The following HIRA variants were observed in gnomAD, a reference collection of about 807,000 sequenced individuals.
HIRA encodes the protein protein HIRA.
A neutral mutation model predicts 126.6 loss-of-function variants in HIRA; 13 were observed. The ratio of observed to expected loss-of-function variants is 0.10; its 90% CI spans 0.07 to 0.16. The LOEUF (loss-of-function observed/expected upper bound fraction) is 0.16, where lower values mean the gene tolerates loss of function less well. HIRA is among the 10% of genes least tolerant of loss of function. The pLI, the probability that HIRA is intolerant of heterozygous loss-of-function variation, is 1.00. For synonymous variants in HIRA, 511 were observed against 520.0 expected (o/e 0.98, Z 0.24); for missense variants, 834 against 1,314.4 (o/e 0.63, Z 5.65).
chr22:19,390,116 C>G (rs929658711), intron 9 of HIRA, among the ~76,000 whole-genome samples: 6 of 152,132 alleles, frequency 3.9e-5, no homozygotes, highest in African/African-American at 1.4e-4. Context: ...TCTTACCACA[C>G]AGTCAGGTCA....
intron 8 of HIRA, among the ~76,000 whole-genome samples, chr22:19,392,510 T>C (rs1395593090): frequency 2.6e-5 from 4 of 152,236 alleles, no homozygotes; most frequent in African/African-American, 4.8e-5. Flanking sequence ...AAGGGATGCG[T>C]AGCTACTGAA....
intron 1 of HIRA, among the ~76,000 whole-genome samples, chr22:19,428,524 C>T (rs1199769751): frequency 1.3e-5 from 2 of 152,134 alleles, no homozygotes; most frequent in African/African-American, 4.8e-5. Flanking sequence ...CCAAAGTACA[C>T]CCACATTTCA....
chr22:19,345,487 G>C (rs915133704), intron 24 of HIRA, among the ~76,000 whole-genome samples: 2 of 152,178 alleles, frequency 1.3e-5, no homozygotes, highest in African/African-American at 2.4e-5. Flanking sequence ...CACTGCCACA[G>C]GTCTTACAGC....
chr22:19,379,014 C>T (rs1569300824), intron 13 of HIRA, among the ~76,000 whole-genome samples: 2 of 150,906 alleles, frequency 1.3e-5, no homozygotes, highest in Non-Finnish European at 2.9e-5. Flanking sequence ...ATATGAGTGA[C>T]GTTGACATTT....
intron 15 of HIRA, among the ~76,000 whole-genome samples, chr22:19,369,083 G>A (rs1325543438): frequency 1.3e-5 from 2 of 152,202 alleles, no homozygotes; most frequent in East Asian, 3.9e-4. Context: ...TGTGAAGCAA[G>A]AGCACAGCTG....
chr22:19,349,073 C>T (rs1289252203), intron 24 of HIRA, among the ~76,000 whole-genome samples: 4 of 148,382 alleles, frequency 2.7e-5, no homozygotes, highest in Admixed American at 6.7e-5. Context: ...CATGAGCCAC[C>T]ACGCCTGGCC....
intron 15 of HIRA, among the ~76,000 whole-genome samples, chr22:19,373,998 T>G (rs962607465): frequency 4.1e-5 from 6 of 146,230 alleles, no homozygotes; most frequent in African/African-American, 1.5e-4. Flanking sequence ...TTATTCATTT[T>G]AGGGACGAGG....
intron 3 of HIRA, among the ~76,000 whole-genome samples, chr22:19,407,920 C>T (rs1482185659): frequency 1.3e-5 from 2 of 152,218 alleles, no homozygotes; most frequent in African/African-American, 4.8e-5. Context: ...GTAGCCCCCA[C>T]ATGGCCCGTG....
chr22:19,361,189 A>T, intron 17 of HIRA, 48 bp downstream of exon 17: 6 of 1,376,784 alleles, frequency 4.4e-6, no homozygotes, highest in Non-Finnish European at 6.2e-6. Flanking sequence ...GGGGACAGAG[A>T]ATGTCTGGGT....
At chr22:19,385,130 T>A (rs2146217724) in intron 12 of HIRA, among the ~76,000 whole-genome samples, 1 of 152,264 alleles carries the variant, frequency 6.6e-6, no homozygotes, top group East Asian at 1.9e-4. Context: ...CCTACCCTTT[T>A]CCCGCCCCAT....
intron 22 of HIRA, 134 bp downstream of exon 22, chr22:19,353,862 G>C (rs781956201): frequency 8.8e-7 from 1 of 1,130,460 alleles, no homozygotes; most frequent in African/African-American, 1.5e-5. Context: ...CAGCCTGCCT[G>C]TGCTGACCAG....
chr22:19,363,913 A>G (rs2088888840), intron 15 of HIRA, among the ~76,000 whole-genome samples: 1 of 152,194 alleles, frequency 6.6e-6, no homozygotes, highest in South Asian at 2.1e-4. Flanking sequence ...GAAAAAACCC[A>G]AAAAACTATT....
chr22:19,410,009 C>T (rs1232315194), intron 2 of HIRA, among the ~76,000 whole-genome samples: 2 of 152,240 alleles, frequency 1.3e-5, no homozygotes, highest in Non-Finnish European at 2.9e-5. Flanking sequence ...CACAAAGGCA[C>T]TCTCTAAGTG....
intron 1 of HIRA, among the ~76,000 whole-genome samples, chr22:19,418,454 C>G (rs918241500): frequency 6.6e-6 from 1 of 150,906 alleles, no homozygotes; most frequent in African/African-American, 2.4e-5. Context: ...GAAACCCCGT[C>G]TCTATTAAAA....
At position 19,431,484 on chromosome 22, in the gene HIRA, C is replaced by CCGT; in HGVS notation, c.-9_-8insACG. ...CGGCTTCAGGAGCTTCATTGTTCGG[C>CCGT]CGCCGCCGCCGCCGGGCTGAGGCGA... On this transcript the variant is annotated 5_prime_UTR_variant, in exon 1 of 25. Coordinates refer to ENST00000263208, the MANE Select transcript of HIRA (RefSeq NM_003325.4). The CCGT allele has an allele frequency of 6.4e-7, 1 of 1,552,312 alleles. No individual in the cohort carries two copies. The highest frequency in any genetic ancestry group is 8.8e-7 in the Non-Finnish European group (1 of 1,141,348).
rs201952874 is a variant in HIRA at position 19,355,853 on chromosome 22, G to A, written c.2468C>T (p.Thr823Met). The A allele has an allele frequency of 1.7e-5, 28 of 1,610,614 alleles. No homozygotes were observed. Among genetic ancestry groups the A allele is most frequent in the South Asian group, 4.4e-5 (4 of 90,930 alleles). ...LHSILAGSDMTVSQILLTQHG... is the reference protein window; with the variant it reads ...LHSILAGSDMMVSQILLTQHG... ...CTGCGTCAGCAAGATCTGTGATACCGTCATATCACTTCCTGAGGACAGCAT... is the reference window on the plus strand; with the variant it reads ...CTGCGTCAGCAAGATCTGTGATACCATCATATCACTTCCTGAGGACAGCAT... Residue 823 changes from threonine (T) to methionine (M), a missense_variant, in exon 21 of 25, where the codon ACG becomes ATG. This residue lies in a region of HIRA where 468 missense variants were observed against 574.2 expected (regional missense o/e 0.82). Coordinates refer to ENST00000263208, the MANE Select transcript of HIRA (RefSeq NM_003325.4).
chr22:19,399,651 T>C (rs2089251336), intron 5 of HIRA, among the ~76,000 whole-genome samples: 5 of 152,226 alleles, frequency 3.3e-5, no homozygotes, highest in Admixed American at 3.3e-4. Flanking sequence ...CTCATAAAAC[T>C]GTAGACTGCT....
At chr22:19,383,772 T>C in intron 12 of HIRA, 67 bp from the exon 13 acceptor site, 3 of 1,252,752 alleles carry the variant, frequency 2.4e-6, no homozygotes, top group South Asian at 1.2e-5. Context: ...TATTAAAAAA[T>C]AAAGTCTCTT....
Position 19,351,760 on chromosome 22 carries a change from G to C in HIRA, c.2849-314C>G, listed in dbSNP as rs571347348. On this transcript the variant is annotated intron_variant, in intron 23 of 24. Coordinates refer to ENST00000263208, the MANE Select transcript of HIRA (RefSeq NM_003325.4). The surrounding 1 kb of genome is among the most constrained non-coding windows in gnomAD (Gnocchi z 4.8). ...GATAAACTCCTTAAGGTGATGGGAA[G>C]ATATGGGAAATTGTGGGCTGGTGAG... Among the ~76,000 whole-genome samples the C allele has an allele frequency of 5.1e-4, 77 of 152,278 alleles. No individual in the cohort carries two copies. The highest frequency in any genetic ancestry group is 9.1e-4 in the Non-Finnish European group (62 of 68,032).
Sources: allele counts gnomAD v4.1 joint callset (sites outside exome capture counted in the v4.1 genomes callset), GRCh38; gene constraint gnomAD v4.1.1; regional missense constraint gnomAD v4.1.1; non-coding constraint Gnocchi (gnomAD v3.1); transcripts MANE v1.5; gene names NCBI Gene and HGNC (gene_info 2026-07-23, HGNC 2026-07-21).